The following PRKCA variants were observed in gnomAD, a reference collection of about 807,000 sequenced individuals.
PRKCA encodes the protein protein kinase C alpha.
A neutral mutation model predicts 87.0 loss-of-function variants in PRKCA; 27 were observed. The observed-to-expected ratio is 0.31, with a 90% confidence interval of 0.23 to 0.43. The LOEUF is 0.43. Ranked by LOEUF, PRKCA falls within the 20% of genes least tolerant of loss-of-function variation. The pLI is 1.00. For synonymous variants in PRKCA, 329 were observed against 311.1 expected (o/e 1.06, Z -0.61); for missense variants, 518 against 852.3 (o/e 0.61, Z 4.88).
At chr17:66,801,053 G>A (rs945269230) in intron 16 of PRKCA, among the ~76,000 whole-genome samples, 5 of 152,156 alleles carry the variant, frequency 3.3e-5, no homozygotes, top group African/African-American at 1.2e-4. Flanking sequence ...TCCCAATGCC[G>A]ACTCTACTGA....
intron 2 of PRKCA, among the ~76,000 whole-genome samples, chr17:66,483,351 T>A (rs1014748541): frequency 2.0e-5 from 3 of 152,178 alleles, no homozygotes; most frequent in Non-Finnish European, 4.4e-5. Flanking sequence ...ATCTTTGGCA[T>A]TCCTTGGCTT....
chr17:66,456,678 A>C (rs1025619995), intron 2 of PRKCA, among the ~76,000 whole-genome samples: 4 of 152,228 alleles, frequency 2.6e-5, no homozygotes, highest in African/African-American at 9.7e-5. Flanking sequence ...ACTGCGAGGC[A>C]AGTGAATGAA....
At chr17:66,371,114 GT>G (rs1453546187) in intron 2 of PRKCA, among the ~76,000 whole-genome samples, 1 of 152,194 alleles carries the variant, frequency 6.6e-6, no homozygotes, top group South Asian at 2.1e-4. Context: ...TATTTTTGCA[GT>G]TTTTTCTTTC....
intron 2 of PRKCA, among the ~76,000 whole-genome samples, chr17:66,457,632 C>T (rs572708543): frequency 1.2e-4 from 19 of 152,196 alleles, no homozygotes; most frequent in African/African-American, 4.3e-4. Flanking sequence ...TACCTCCATG[C>T]TGTTCTCGTG....
At chr17:66,523,233 G>GC (rs1967230181) in intron 3 of PRKCA, among the ~76,000 whole-genome samples, 1 of 152,132 alleles carries the variant, frequency 6.6e-6, no homozygotes, top group Non-Finnish European at 1.5e-5. Context: ...AAATTTGGCT[G>GC]CACATCTGAA....
At chr17:66,374,740 C>G (rs201390809) in intron 2 of PRKCA, among the ~76,000 whole-genome samples, 15 of 60,712 alleles carry the variant, frequency 2.5e-4, no homozygotes, top group African/African-American at 7.6e-4. Context: ...TTTTTTTTTT[C>G]TTTCTGAGAC....
chr17:66,720,230 C>T (rs780041827), intron 8 of PRKCA, among the ~76,000 whole-genome samples: 9 of 152,178 alleles, frequency 5.9e-5, no homozygotes, highest in Non-Finnish European at 4.4e-5. Flanking sequence ...AAGGGAGTCC[C>T]GTGCCTATCT....
At chr17:66,537,288 A>G (rs1293369623) in intron 3 of PRKCA, among the ~76,000 whole-genome samples, 3 of 152,208 alleles carry the variant, frequency 2.0e-5, no homozygotes, top group African/African-American at 4.8e-5. Context: ...GGGGCCACAG[A>G]TGTCAAGTGG....
Position 66,374,548 on chromosome 17 carries a change from G to A in PRKCA, c.205+68421G>A, listed in dbSNP as rs538810135. Among the ~76,000 whole-genome samples, 11 of 152,104 alleles carry A rather than the reference G, an allele frequency of 7.2e-5. No individual in the cohort carries two copies. The South Asian group carries it at 1.7e-3, about 23-fold the overall frequency. The stretch of plus-strand genomic sequence containing the variant: ...ATCATCCTCCATTCCCCTTTGCACC[G>A]CAGCCCCCTGAATTAATTAAGCAAG... On this transcript the variant is annotated intron_variant, in intron 2 of 16. Transcript: ENST00000413366.
At chr17:66,744,887 T>G (rs933532315) in intron 13 of PRKCA, among the ~76,000 whole-genome samples, 1 of 152,308 alleles carries the variant, frequency 6.6e-6, no homozygotes, top group African/African-American at 2.4e-5. Flanking sequence ...CCTGCATTCC[T>G]TGGTTCGTGG....
At chr17:66,327,523 G>A (rs1906056611) in intron 2 of PRKCA, among the ~76,000 whole-genome samples, 1 of 152,046 alleles carries the variant, frequency 6.6e-6, no homozygotes, top group African/African-American at 2.4e-5. Flanking sequence ...GCGACACAGT[G>A]AGACTGTCTC....
chr17:66,687,702 T>A (rs1173411141), intron 6 of PRKCA, among the ~76,000 whole-genome samples: 1 of 152,172 alleles, frequency 6.6e-6, no homozygotes, highest in Non-Finnish European at 1.5e-5. Context: ...GGAAGATCAT[T>A]CTTGCCTTCA....
At chr17:66,765,426 A>ATCTATATATCTATATATCTATATC (rs1343913537) in intron 13 of PRKCA, among the ~76,000 whole-genome samples, 3 of 124,326 alleles carry the variant, frequency 2.4e-5, no homozygotes, top group Non-Finnish European at 5.0e-5. Flanking sequence ...GTCTATATAT[A>ATCTATATATCTATATATCTATATC]TATATATATA....
chr17:66,593,043 G>C (rs1969859771), intron 3 of PRKCA, among the ~76,000 whole-genome samples: 1 of 152,202 alleles, frequency 6.6e-6, no homozygotes, highest in African/African-American at 2.4e-5. Flanking sequence ...ACCCGCCTCA[G>C]CCTACCAAAG....
intron 3 of PRKCA, among the ~76,000 whole-genome samples, chr17:66,512,981 C>A (rs1917308219): frequency 6.6e-6 from 1 of 152,214 alleles, no homozygotes; most frequent in Non-Finnish European, 1.5e-5. Flanking sequence ...GCGTGAGCCG[C>A]CGCACCTGGT....
At chr17:66,680,574 C>T (rs1253699711) in intron 5 of PRKCA, among the ~76,000 whole-genome samples, 5 of 152,210 alleles carry the variant, frequency 3.3e-5, no homozygotes, top group Non-Finnish European at 7.3e-5. Context: ...CATTACTAAA[C>T]AGTGTCTCTG....
chr17:66,674,930 G>T (rs907410894), intron 5 of PRKCA, among the ~76,000 whole-genome samples: 2 of 152,146 alleles, frequency 1.3e-5, no homozygotes, highest in South Asian at 2.1e-4. Flanking sequence ...TGCAGTGCAC[G>T]CCCACCAATG....
intron 3 of PRKCA, among the ~76,000 whole-genome samples, chr17:66,550,949 C>T (rs1295635342): frequency 6.6e-6 from 1 of 152,160 alleles, no homozygotes; most frequent in Admixed American, 6.5e-5. Flanking sequence ...TCTTTTAAAG[C>T]CTATATAACA....
chr17:66,408,332 A>G (rs369915038), intron 2 of PRKCA, among the ~76,000 whole-genome samples: 1 of 152,246 alleles, frequency 6.6e-6, no homozygotes, highest in Non-Finnish European at 1.5e-5. Flanking sequence ...TTAATTAATT[A>G]GTACCTTTGT....
Sources: allele counts gnomAD v4.1 joint callset (sites outside exome capture counted in the v4.1 genomes callset), GRCh38; gene constraint gnomAD v4.1.1; transcripts MANE v1.5; gene names NCBI Gene and HGNC (gene_info 2026-07-23, HGNC 2026-07-21).